The following DLG2 variants were observed in gnomAD, a reference collection of about 807,000 sequenced individuals.
The protein encoded by DLG2 is discs large MAGUK scaffold protein 2.
Under a neutral mutation model 132.5 loss-of-function variants are expected in DLG2, and 45 were observed. The ratio of observed to expected loss-of-function variants is 0.34; its 90% CI spans 0.27 to 0.44. The LOEUF is 0.44. Among genes scored for constraint, DLG2 ranks in the 20% least tolerant of loss-of-function variants. The pLI is 1.00. For synonymous variants in DLG2, 424 were observed against 419.6 expected, an observed-to-expected ratio of 1.01 and a Z score of -0.13; for missense variants, 1,045 against 1,196.9, an observed-to-expected ratio of 0.87 and a Z score of 1.87.
chr11:85,606,833 G>A (rs933791045), intron 2 of DLG2, among the ~76,000 whole-genome samples: 1 of 151,898 alleles, frequency 6.6e-6, no homozygotes, highest in Non-Finnish European at 1.5e-5. Context: ...AACACTCACC[G>A]CAAAGGTCTG....
At chr11:83,471,774 A>G in intron 23 of DLG2, 47 bp from the exon 24 acceptor site, 1 of 1,497,086 alleles carries the variant, frequency 6.7e-7, no homozygotes. Context: ...AGAGTTGGAA[A>G]CAACTGCAAA....
intron 7 of DLG2, among the ~76,000 whole-genome samples, chr11:84,363,337 G>A (rs756171248): frequency 0.015 from 2,298 of 151,386 alleles, 23 homozygotes; most frequent in Middle Eastern, 0.041. Context: ...CATGTCCTTC[G>A]CCCACTTTTT....
In DLG2 at chr11:85,627,274, C is replaced by T. The variant is rs1459099289; in HGVS notation, c.-316G>A. 6.6e-6 allele frequency: 1 copy of T among 152,150 alleles called. No homozygotes were observed. The highest frequency in any genetic ancestry group is 1.9e-4 in the East Asian group (1 of 5,192). 9.4% of individuals were successfully genotyped at this position (152,150 alleles called of 1,614,324 possible). On this transcript the variant is annotated 5_prime_UTR_variant, in exon 1 of 28. Transcript: ENST00000376104. The stretch of plus-strand genomic sequence containing the variant: ...CCCTTTCATTTTTTTCTTCTGTGCT[C>T]TCCAAGCCCCCAGGCTTGATCCTTA...
rs146900678 is a variant in DLG2 at position 85,375,568 on chromosome 11, A to C, written c.41-90203T>G. Among the ~76,000 whole-genome samples, 442 of 152,320 alleles carry C rather than the reference A, an allele frequency of 2.9e-3. 1 individual carries two copies. The highest frequency in any genetic ancestry group is 0.01 in the African/African-American group (428 of 41,576). On this transcript the variant is annotated intron_variant, in intron 3 of 27. Coordinates refer to ENST00000376104, the MANE Select transcript of DLG2 (RefSeq NM_001142699.3). ...AAACTGTCCTTTTCAGTTGTCATTC[A>C]CAACAAAAGTTGTTATATAATCAAT...
chr11:85,566,003 C>A (rs2077506590), intron 3 of DLG2, among the ~76,000 whole-genome samples: 1 of 152,070 alleles, frequency 6.6e-6, no homozygotes, highest in African/African-American at 2.4e-5. Context: ...ACCATGCCTG[C>A]CAACAATTAT....
At chr11:85,451,844 T>A (rs896379376) in intron 3 of DLG2, among the ~76,000 whole-genome samples, 1 of 152,100 alleles carries the variant, frequency 6.6e-6, no homozygotes, top group Non-Finnish European at 1.5e-5. Flanking sequence ...CAGCATGCCC[T>A]GCCCAATTTT....
At chr11:84,947,735 T>C (rs754993193) in intron 6 of DLG2, among the ~76,000 whole-genome samples, 5 of 152,260 alleles carry the variant, frequency 3.3e-5, no homozygotes, top group Non-Finnish European at 5.9e-5. Flanking sequence ...TGGAGATTAA[T>C]TTTATTTAGG....
At chr11:85,293,742 T>C (rs2079052259) in intron 3 of DLG2, among the ~76,000 whole-genome samples, 1 of 152,104 alleles carries the variant, frequency 6.6e-6, no homozygotes, top group South Asian at 2.1e-4. Context: ...TAAAAGACAT[T>C]ATGGAGACAA....
chr11:84,873,594 G>C (rs1187083085), intron 6 of DLG2, among the ~76,000 whole-genome samples: 1 of 152,190 alleles, frequency 6.6e-6, no homozygotes, highest in Non-Finnish European at 1.5e-5. Context: ...TGTCAGGTAT[G>C]CCAATTCTAC....
chr11:83,514,951 G>A (rs2095234248), intron 21 of DLG2, among the ~76,000 whole-genome samples: 1 of 152,096 alleles, frequency 6.6e-6, no homozygotes, highest in South Asian at 2.1e-4. Flanking sequence ...GAGGATTTTT[G>A]CATCGATGTT....
At chr11:84,735,469 G>A (rs1408841856) in intron 6 of DLG2, among the ~76,000 whole-genome samples, 7 of 152,092 alleles carry the variant, frequency 4.6e-5, no homozygotes, top group Admixed American at 2.0e-4. Context: ...TATTTCTGTG[G>A]CATCGGTGGT....
At chr11:84,946,727 T>C (rs1317217115) in intron 6 of DLG2, among the ~76,000 whole-genome samples, 1 of 152,076 alleles carries the variant, frequency 6.6e-6, no homozygotes, top group Non-Finnish European at 1.5e-5. Flanking sequence ...AGCTGGTGTA[T>C]CACTAGGTCA....
chr11:85,519,338 T>C (rs190516872), intron 3 of DLG2, among the ~76,000 whole-genome samples: 133 of 152,326 alleles, frequency 8.7e-4, no homozygotes, highest in African/African-American at 3.1e-3. Flanking sequence ...AGGAACCCCC[T>C]TCTTGCTTCA....
At chr11:85,434,298 CAGA>C (rs557129989) in intron 3 of DLG2, among the ~76,000 whole-genome samples, 157 of 151,264 alleles carry the variant, frequency 1.0e-3, no homozygotes, top group Middle Eastern at 6.8e-3. Flanking sequence ...CGAAAGCTAG[CAGA>C]AGAAGAGAAA....
intron 7 of DLG2, among the ~76,000 whole-genome samples, chr11:84,365,720 C>G (rs897588488): frequency 7.2e-4 from 110 of 151,844 alleles, no homozygotes; most frequent in African/African-American, 2.5e-3. Context: ...TGTCTTTGTT[C>G]TCTTTGGTTT....
At chr11:84,081,155 A>C (rs1211010342) in intron 10 of DLG2, among the ~76,000 whole-genome samples, 1 of 152,144 alleles carries the variant, frequency 6.6e-6, no homozygotes, top group African/African-American at 2.4e-5. Flanking sequence ...TATATTGTGG[A>C]TTATATCTTG....
At chr11:83,970,171 T>A (rs2091045517) in intron 12 of DLG2, among the ~76,000 whole-genome samples, 1 of 152,200 alleles carries the variant, frequency 6.6e-6, no homozygotes, top group Middle Eastern at 3.2e-3. Flanking sequence ...CCTCAGAGTA[T>A]GGAAACTACA....
chr11:83,866,667 C>G (rs2062444720), intron 16 of DLG2, among the ~76,000 whole-genome samples: 1 of 152,058 alleles, frequency 6.6e-6, no homozygotes, highest in African/African-American at 2.4e-5. Context: ...TTTATTAAAA[C>G]TTTAAAAGGT....
At chr11:84,719,724 C>A (rs190124494) in intron 6 of DLG2, among the ~76,000 whole-genome samples, 60 of 152,244 alleles carry the variant, frequency 3.9e-4, no homozygotes, top group African/African-American at 1.4e-3. Flanking sequence ...ACTGCGCCAC[C>A]TCTTGATAAA....
Sources: allele counts gnomAD v4.1 joint callset (sites outside exome capture counted in the v4.1 genomes callset), GRCh38; gene constraint gnomAD v4.1.1; transcripts MANE v1.5; gene names NCBI Gene and HGNC (gene_info 2026-07-23, HGNC 2026-07-21).